Variants in PPP2R2A observed in about 807,000 individuals in gnomAD.
PPP2R2A encodes the protein serine/threonine-protein phosphatase 2A 55 kDa regulatory subunit B alpha isoform.
PPP2R2A carries 9 observed loss-of-function variants against 53.2 expected under a neutral mutation model. That is an observed-to-expected ratio of 0.17 (90% CI 0.10 to 0.30). PPP2R2A has a LOEUF of 0.30. PPP2R2A is among the 10% of genes least tolerant of loss of function. PPP2R2A has a pLI of 1.00. For missense variants in PPP2R2A, 235 were observed against 534.6 expected (o/e 0.44, Z 5.53); for synonymous variants, 169 against 174.2 (o/e 0.97, Z 0.23).
Position 26,293,829 on chromosome 8 carries a change from T to C in PPP2R2A, c.82+89T>C, listed in dbSNP as rs752004605. 3 of 1,166,170 alleles carry C rather than the reference T, an allele frequency of 2.6e-6. No homozygotes were observed. The African/African-American group carries it at 4.6e-5, about 18-fold the overall frequency. The allele number at this position is 1,166,170 out of a possible 1,614,324, so 72.2% of individuals were successfully genotyped here. A position where few individuals can be genotyped will look rare whatever the true frequency, so the allele number is the denominator to read the frequency against. ...GATTTCCTTGAAGCCGAGACTGCTA[T>C]AAATTCAAGATGATTTTGTTGTCCA... On this transcript the variant is annotated intron_variant, in intron 2 of 9. Coordinates refer to ENST00000380737, the MANE Select transcript of PPP2R2A (RefSeq NM_002717.4).
At chr8:26,297,669 G>T (rs549160066) in intron 2 of PPP2R2A, among the ~76,000 whole-genome samples, 3 of 152,220 alleles carry the variant, frequency 2.0e-5, no homozygotes, top group South Asian at 4.1e-4. Flanking sequence ...ATAAAATGAG[G>T]ATAACAATAA....
chr8:26,365,554 T>C (rs954439125), intron 8 of PPP2R2A: 2 of 152,202 alleles, frequency 1.3e-5, no homozygotes, highest in African/African-American at 4.8e-5. Context: ...GATGGTGAAA[T>C]ATAGACACTT....
intron 3 of PPP2R2A, among the ~76,000 whole-genome samples, chr8:26,340,447 T>C (rs1803883453): frequency 6.6e-6 from 1 of 152,106 alleles, no homozygotes; most frequent in Non-Finnish European, 1.5e-5. Context: ...TATTTTTTAC[T>C]GAAAGTTATT....
intron 2 of PPP2R2A, among the ~76,000 whole-genome samples, chr8:26,329,988 C>T (rs529570235): frequency 6.6e-6 from 1 of 152,266 alleles, no homozygotes; most frequent in East Asian, 1.9e-4. Context: ...GTCATCATAC[C>T]TTGAGTATTT....
rs185813923 is a variant in PPP2R2A at position 26,372,347 on chromosome 8, T to C, written c.*1934T>C. ...AGTGATATTCTTCCTGTGTTGTGAC[T>C]GGACAGTTTTCCAGATCTTTTTTGG... On this transcript the variant is annotated 3_prime_UTR_variant, in exon 10 of 10. Transcript: ENST00000380737. The C allele has an allele frequency of 2.0e-5, 3 of 152,332 alleles. No homozygotes were observed. The highest frequency in any genetic ancestry group is 7.2e-5 in the African/African-American group (3 of 41,576). 9.4% of individuals were successfully genotyped at this position (152,332 alleles called of 1,614,324 possible).
At chr8:26,307,382 C>T (rs1157136827) in intron 2 of PPP2R2A, among the ~76,000 whole-genome samples, 1 of 152,154 alleles carries the variant, frequency 6.6e-6, no homozygotes, top group Non-Finnish European at 1.5e-5. Flanking sequence ...GTGATCGGTT[C>T]ATTTTGGTGA....
intron 2 of PPP2R2A, among the ~76,000 whole-genome samples, chr8:26,307,392 A>G (rs1182622857): frequency 2.0e-5 from 3 of 152,154 alleles, no homozygotes; most frequent in African/African-American, 7.2e-5. Context: ...CATTTTGGTG[A>G]TTTATTTAAT....
At chr8:26,320,050 C>G (rs1802758380) in intron 2 of PPP2R2A, among the ~76,000 whole-genome samples, 1 of 152,084 alleles carries the variant, frequency 6.6e-6, no homozygotes, top group Admixed American at 6.5e-5. Flanking sequence ...CCCTAAGTGC[C>G]GTGCTAAAAT....
rs557020183 is a variant in PPP2R2A, at chr8:26,292,852, C to G, written c.8-814C>G. Among the ~76,000 whole-genome samples, 6 of 152,264 alleles carry G rather than the reference C, an allele frequency of 3.9e-5. No individual in the cohort carries two copies. In the East Asian group the frequency reaches 1.2e-3, roughly 29 times the overall value. On this transcript the variant is annotated intron_variant, in intron 1 of 9. Transcript: ENST00000380737. ...TACTTGCACGTGAAATAGAAACATT[C>G]CGAGATGAGACCAGTTTTCCGTGCT...
At position 26,321,099 on chromosome 8, in the gene PPP2R2A, A is replaced by G. The variant is rs561032864; in HGVS notation, c.83-17791A>G. 2.0e-5 allele frequency among the ~76,000 whole-genome samples: 3 copies of G among 152,338 alleles called. No homozygotes were observed. The highest frequency in any genetic ancestry group is 2.9e-5 in the Non-Finnish European group (2 of 68,030). On this transcript the variant is annotated intron_variant, in intron 2 of 9. Coordinates refer to ENST00000380737, the MANE Select transcript of PPP2R2A (RefSeq NM_002717.4). This position sits in a 1 kb window ranked among gnomAD's most constrained non-coding sequence, Gnocchi z 4.1. ...ATAACTAAACTAAAAAAATTTTAGC[A>G]GGAAACAGTACAAACAAGAAACATC... is the stretch of plus-strand genomic sequence containing the variant.
Position 26,303,092 on chromosome 8 carries a change from A to T in PPP2R2A, c.82+9352A>T, listed in dbSNP as rs1269423693. Among the ~76,000 whole-genome samples, 4 of 152,144 alleles carry T rather than the reference A, an allele frequency of 2.6e-5. No homozygotes were observed. In the South Asian group the frequency reaches 6.2e-4, roughly 24 times the overall value. The stretch of plus-strand genomic sequence containing the variant: ...CTTTTGTGGATGAATGTCTTAAAAA[A>T]TTGCCTACGAAAGTAGTTTCTGTGA... On this transcript the variant is annotated intron_variant, in intron 2 of 9. Coordinates refer to ENST00000380737, the MANE Select transcript of PPP2R2A (RefSeq NM_002717.4).
chr8:26,307,633 T>G (rs1424705972), intron 2 of PPP2R2A, among the ~76,000 whole-genome samples: 1 of 152,242 alleles, frequency 6.6e-6, no homozygotes, highest in African/African-American at 2.4e-5. Context: ...TATGCAGAAT[T>G]CTTTTAATCT....
chr8:26,295,408 A>G (rs1200804122), intron 2 of PPP2R2A, among the ~76,000 whole-genome samples: 1 of 152,230 alleles, frequency 6.6e-6, no homozygotes, highest in African/African-American at 2.4e-5. Context: ...GGTTCTGTCA[A>G]TAATGTAATG....
At chr8:26,310,843 G>A (rs889055513) in intron 2 of PPP2R2A, among the ~76,000 whole-genome samples, 1 of 152,020 alleles carries the variant, frequency 6.6e-6, no homozygotes, top group Admixed American at 6.6e-5. Flanking sequence ...GTTTGAGCAC[G>A]TTCAAATGTT....
chr8:26,330,535 G>T (rs1291675058), intron 2 of PPP2R2A, among the ~76,000 whole-genome samples: 3 of 151,910 alleles, frequency 2.0e-5, no homozygotes, highest in Non-Finnish European at 4.4e-5. Flanking sequence ...TTCATACGTT[G>T]GCCAGACTGG....
intron 2 of PPP2R2A, among the ~76,000 whole-genome samples, chr8:26,304,994 C>T (rs1801950843): frequency 6.6e-6 from 1 of 152,122 alleles, no homozygotes; most frequent in Non-Finnish European, 1.5e-5. Flanking sequence ...GTAGTGTTAA[C>T]TCTATTCATA....
At chr8:26,366,706 T>C (rs1174994745) in intron 9 of PPP2R2A, among the ~76,000 whole-genome samples, 2 of 152,186 alleles carry the variant, frequency 1.3e-5, no homozygotes, top group African/African-American at 4.8e-5. Context: ...TTGGTTGTTA[T>C]TCTTCCATTA....
chr8:26,307,225 AAAC>A (rs1440500648), intron 2 of PPP2R2A, among the ~76,000 whole-genome samples: 3 of 152,232 alleles, frequency 2.0e-5, no homozygotes, highest in Non-Finnish European at 4.4e-5. Flanking sequence ...AGTGGACTCT[AAAC>A]AAAGCTAAGT....
At chr8:26,332,435 A>G (rs1056463519) in intron 2 of PPP2R2A, among the ~76,000 whole-genome samples, 6 of 151,766 alleles carry the variant, frequency 4.0e-5, no homozygotes, top group East Asian at 1.9e-4. Context: ...TACTTAAGCA[A>G]TTCCTCTCAG....
Sources: allele counts gnomAD v4.1 joint callset (sites outside exome capture counted in the v4.1 genomes callset), GRCh38; gene constraint gnomAD v4.1.1; non-coding constraint Gnocchi (gnomAD v3.1); transcripts MANE v1.5; gene names NCBI Gene and HGNC (gene_info 2026-07-23, HGNC 2026-07-21).